PAK5: variants seen among roughly 807,000 people sequenced by gnomAD.
PAK5 encodes the protein p21 (RAC1) activated kinase 5.
A neutral mutation model predicts 65.9 loss-of-function variants in PAK5; 16 were observed. The ratio of observed to expected loss-of-function variants is 0.24; its 90% CI spans 0.16 to 0.37. The LOEUF is 0.37. Ranked by LOEUF, PAK5 falls within the 10% of genes least tolerant of loss-of-function variation. PAK5 has a pLI of 1.00. For missense variants in PAK5, 785 were observed against 903.9 expected, an observed-to-expected ratio of 0.87 and a Z score of 1.69; for synonymous variants, 371 against 354.9, an observed-to-expected ratio of 1.05 and a Z score of -0.51.
intron 3 of PAK5, among the ~76,000 whole-genome samples, chr20:9,598,677 T>C (rs1057354982): frequency 1.3e-5 from 2 of 152,206 alleles, no homozygotes; most frequent in African/African-American, 4.8e-5. Context: ...TGGTATCTCA[T>C]TGTGGTTTTG....
chr20:9,730,081 T>C (rs1043996036), intron 1 of PAK5, among the ~76,000 whole-genome samples: 7 of 150,018 alleles, frequency 4.7e-5, no homozygotes, highest in African/African-American at 1.5e-4. Context: ...AAACAAATGC[T>C]AAATCATGTT....
chr20:9,678,553 C>T (rs7273123), intron 2 of PAK5, among the ~76,000 whole-genome samples: 6,886 of 152,106 alleles, frequency 0.045, 503 homozygotes, highest in African/African-American at 0.16. Context: ...GGTGACAGAG[C>T]GAGACTCCAT....
At chr20:9,678,209 C>A (rs371288565) in intron 2 of PAK5, among the ~76,000 whole-genome samples, 1 of 152,176 alleles carries the variant, frequency 6.6e-6, no homozygotes, top group Admixed American at 6.5e-5. Context: ...TTGTGCCCTT[C>A]GAGAATGTAT....
intron 1 of PAK5, among the ~76,000 whole-genome samples, chr20:9,774,628 C>G (rs1369305590): frequency 6.6e-6 from 1 of 151,960 alleles, no homozygotes; most frequent in African/African-American, 2.4e-5. Flanking sequence ...AATGAATAAA[C>G]AAACTCTGAT....
chr20:9,683,974 C>T (rs572022399), intron 2 of PAK5, among the ~76,000 whole-genome samples: 1 of 152,160 alleles, frequency 6.6e-6, no homozygotes, highest in Non-Finnish European at 1.5e-5. Context: ...TCCTCACATG[C>T]CAGTTGAATA....
chr20:9,714,622 G>C (rs2048120138), intron 1 of PAK5, among the ~76,000 whole-genome samples: 1 of 152,044 alleles, frequency 6.6e-6, no homozygotes. Context: ...TTCATAGGAA[G>C]TAATTTGTTG....
At chr20:9,742,331 TAA>T (rs2048459250) in intron 1 of PAK5, among the ~76,000 whole-genome samples, 2 of 152,150 alleles carry the variant, frequency 1.3e-5, no homozygotes, top group Admixed American at 1.3e-4. Flanking sequence ...ATACAAAGGT[TAA>T]CTATGAAACT....
In PAK5 at chr20:9,838,148, TTC is replaced by T. The variant is rs149481028; in HGVS notation, c.-162+612_-162+613del. Among the ~76,000 whole-genome samples, 10 of 151,360 alleles carry T rather than the reference TTC, an allele frequency of 6.6e-5. No homozygotes were observed. The highest frequency in any genetic ancestry group is 3.9e-4 in the Admixed American group (6 of 15,224). On this transcript the variant is annotated intron_variant, in intron 1 of 9. Coordinates refer to ENST00000353224, the MANE Select transcript of PAK5 (RefSeq NM_177990.4). The surrounding 1 kb of genome is among the most constrained non-coding windows in gnomAD (Gnocchi z 4.5). ...TCACAAGGGTGCCCACAAGCAGAAG[TTC>T]TCTCTCTGTCTCTCCATTACAACCC...
intron 1 of PAK5, among the ~76,000 whole-genome samples, chr20:9,812,370 T>C (rs999111659): frequency 6.6e-6 from 1 of 151,518 alleles, no homozygotes; most frequent in Non-Finnish European, 1.5e-5. Context: ...GCAAGTAACA[T>C]ATAAAAATGA....
At chr20:9,598,260 T>C (rs934603609) in intron 3 of PAK5, among the ~76,000 whole-genome samples, 1 of 152,246 alleles carries the variant, frequency 6.6e-6, no homozygotes, top group African/African-American at 2.4e-5. Flanking sequence ...GCTTCCAGCT[T>C]CATCCATGTC....
chr20:9,570,307 G>A lies in PAK5; in HGVS notation c.991-3923C>T, dbSNP rs185525274. On this transcript the variant is annotated intron_variant, in intron 4 of 9. Transcript: ENST00000353224. The stretch of plus-strand genomic sequence containing the variant: ...CTAGCATTTATTGAAGACATACAAT[G>A]CCCCTGTGGTATATATATTCCTATA... 2.9e-3 allele frequency among the ~76,000 whole-genome samples: 435 copies of A among 152,240 alleles called. 1 individual carries two copies. The highest frequency in any genetic ancestry group is 0.01 in the African/African-American group (421 of 41,534).
At chr20:9,611,985 C>T (rs2046569618) in intron 3 of PAK5, among the ~76,000 whole-genome samples, 1 of 152,186 alleles carries the variant, frequency 6.6e-6, no homozygotes, top group Non-Finnish European at 1.5e-5. Context: ...GATGTCTCTT[C>T]TAGGGAGCCG....
At chr20:9,550,693 T>A (rs549663215) in intron 7 of PAK5, among the ~76,000 whole-genome samples, 5 of 152,092 alleles carry the variant, frequency 3.3e-5, no homozygotes, top group Admixed American at 2.6e-4. Flanking sequence ...TGTGAAGAAG[T>A]CTGGGTTAGT....
intron 1 of PAK5, among the ~76,000 whole-genome samples, chr20:9,712,676 G>A (rs140223054): frequency 4.0e-4 from 61 of 152,200 alleles, no homozygotes; most frequent in Middle Eastern, 3.4e-3. Flanking sequence ...CAGGCATGCC[G>A]ATGAATAGAA....
chr20:9,695,378 T>A (rs2047854304), intron 2 of PAK5, among the ~76,000 whole-genome samples: 2 of 152,234 alleles, frequency 1.3e-5, no homozygotes, highest in Non-Finnish European at 2.9e-5. Flanking sequence ...AATTTACATA[T>A]CTTTTCCATT....
chr20:9,799,931 T>G (rs1278245727), intron 1 of PAK5, among the ~76,000 whole-genome samples: 1 of 97,322 alleles, frequency 1.0e-5, no homozygotes, highest in African/African-American at 4.1e-5. Flanking sequence ...AGAGTGAGAC[T>G]CTGTCTCCAA....
At position 9,758,069 on chromosome 20, in the gene PAK5, T is replaced by C. The variant is rs142468242; in HGVS notation, c.-161-46634A>G. On this transcript the variant is annotated intron_variant, in intron 1 of 9. Transcript: ENST00000353224. ...TATGCTGCCCTTGGGAGCTACTTCA[T>C]AGCCTTATTTGGATTGCAAGCTTTT... 1.9e-3 allele frequency among the ~76,000 whole-genome samples: 289 copies of C among 152,362 alleles called. 2 individuals carry two copies. The highest frequency in any genetic ancestry group is 6.5e-3 in the African/African-American group (269 of 41,590).
chr20:9,788,406 G>C (rs2049015602), intron 1 of PAK5, among the ~76,000 whole-genome samples: 1 of 151,936 alleles, frequency 6.6e-6, no homozygotes, highest in South Asian at 2.1e-4. Context: ...TTGAGGTCAG[G>C]ATGAAATCCA....
chr20:9,600,087 G>A (rs1034457023), intron 3 of PAK5, among the ~76,000 whole-genome samples: 1 of 152,092 alleles, frequency 6.6e-6, no homozygotes, highest in Admixed American at 6.5e-5. Context: ...TTCTCCCGGC[G>A]TTATTTGTTG....
Sources: allele counts gnomAD v4.1 joint callset (sites outside exome capture counted in the v4.1 genomes callset), GRCh38; gene constraint gnomAD v4.1.1; non-coding constraint Gnocchi (gnomAD v3.1); transcripts MANE v1.5; gene names NCBI Gene and HGNC (gene_info 2026-07-23, HGNC 2026-07-21).